The following PLXNA4 variants were observed in gnomAD, a reference collection of about 807,000 sequenced individuals.
PLXNA4 encodes plexin-A4.
In PLXNA4, 44 loss-of-function variants were observed where a neutral mutation model predicts 191.8. That is an observed-to-expected ratio of 0.23 (90% CI 0.18 to 0.29). The LOEUF (loss-of-function observed/expected upper bound fraction) is 0.29. Ranked by LOEUF, PLXNA4 falls within the 10% of genes least tolerant of loss-of-function variation. The probability of loss-of-function intolerance (pLI) is 1.00; values close to 1 mark genes in which losing one functional copy is unlikely to be tolerated. For synonymous variants in PLXNA4, 1,082 were observed against 1,009.5 expected (o/e 1.07, Z -1.36); for missense variants, 1,800 against 2,488.8 (o/e 0.72, Z 5.89).
intron 22 of PLXNA4, among the ~76,000 whole-genome samples, chr7:132,165,979 A>G (rs1164627361): frequency 6.6e-6 from 1 of 152,156 alleles, no homozygotes; most frequent in East Asian, 1.9e-4. Context: ...CAGGCAGATC[A>G]TGAGGTCAAC....
intron 31 of PLXNA4, among the ~76,000 whole-genome samples, chr7:132,132,258 T>C (rs1794950015): frequency 6.6e-6 from 1 of 152,166 alleles, no homozygotes. Context: ...CCTGACCCCA[T>C]GCATAGGCAA....
intron 4 of PLXNA4, among the ~76,000 whole-genome samples, chr7:132,251,158 G>A (rs1425440519): frequency 6.7e-6 from 1 of 148,698 alleles, no homozygotes; most frequent in East Asian, 2.0e-4. Flanking sequence ...TTAAAAACTT[G>A]TCAAGCAAGT....
intron 1 of PLXNA4, among the ~76,000 whole-genome samples, chr7:132,511,895 C>T (rs1275555928): frequency 1.3e-5 from 2 of 152,108 alleles, no homozygotes; most frequent in Non-Finnish European, 2.9e-5. Flanking sequence ...AAGTTGAAAT[C>T]CAAGAGGTCA....
At chr7:132,147,753 C>T (rs777552256) in intron 27 of PLXNA4, 147 bp downstream of exon 27, 135 of 1,035,120 alleles carry the variant, frequency 1.3e-4, no homozygotes, top group Non-Finnish European at 1.8e-4. Context: ...GTCCTCTTCC[C>T]CCACCTGGCT....
At chr7:132,365,363 G>A (rs542871820) in intron 3 of PLXNA4, among the ~76,000 whole-genome samples, 7 of 140,704 alleles carry the variant, frequency 5.0e-5, no homozygotes, top group East Asian at 2.1e-4. Context: ...GTGTGTGTGC[G>A]TGCGCGCGCA....
intron 3 of PLXNA4, among the ~76,000 whole-genome samples, chr7:132,403,179 G>A (rs537343177): frequency 3.3e-5 from 5 of 152,152 alleles, no homozygotes; most frequent in Non-Finnish European, 5.9e-5. Context: ...CCCAGGTCCC[G>A]GCCCCAGACT....
intron 29 of PLXNA4, 34 bp from the exon 30 acceptor site, chr7:132,140,845 G>C: frequency 1.2e-6 from 2 of 1,611,828 alleles, no homozygotes; most frequent in Non-Finnish European, 1.7e-6. Context: ...GGTCAGGAAA[G>C]ACGGGGCAGT....
chr7:132,349,399 C>T (rs1026391049), intron 3 of PLXNA4, among the ~76,000 whole-genome samples: 2 of 152,132 alleles, frequency 1.3e-5, no homozygotes, highest in Non-Finnish European at 2.9e-5. Flanking sequence ...GGAGTGGCTG[C>T]AACCCTGCCT....
intron 21 of PLXNA4, among the ~76,000 whole-genome samples, chr7:132,171,778 C>T (rs1338619846): frequency 4.6e-5 from 7 of 152,108 alleles, no homozygotes; most frequent in African/African-American, 1.4e-4. Flanking sequence ...CACAGTGACT[C>T]GTAGGTGGAG....
At chr7:132,334,252 C>CTTTTTTTTTTTTTTTTTTTTTTTTTTT (rs71529758) in intron 3 of PLXNA4, among the ~76,000 whole-genome samples, 3 of 75,608 alleles carry the variant, frequency 4.0e-5, no homozygotes, top group Admixed American at 1.8e-4. Flanking sequence ...TTCTTTCTTT[C>CTTTTTTTTTTTTTTTTTTTTTTTTTTT]TTTTTTTTTT....
At chr7:132,219,667 C>T (rs960809877) in intron 9 of PLXNA4, among the ~76,000 whole-genome samples, 9 of 151,968 alleles carry the variant, frequency 5.9e-5, no homozygotes, top group Non-Finnish European at 1.3e-4. Flanking sequence ...TTTTTTTTTA[C>T]CCCCTACTCC....
intron 3 of PLXNA4, among the ~76,000 whole-genome samples, chr7:132,356,011 G>A (rs1332824809): frequency 1.3e-5 from 2 of 152,156 alleles, no homozygotes; most frequent in Non-Finnish European, 2.9e-5. Flanking sequence ...TAGGATAGGA[G>A]AGCAAGAGGG....
At chr7:132,535,323 C>T (rs1055993137) in intron 1 of PLXNA4, among the ~76,000 whole-genome samples, 1 of 152,192 alleles carries the variant, frequency 6.6e-6, no homozygotes, top group African/African-American at 2.4e-5. Context: ...AACGTCATTC[C>T]CCAACTTTGT....
intron 25 of PLXNA4, among the ~76,000 whole-genome samples, chr7:132,149,499 C>T (rs1795531510): frequency 1.3e-5 from 2 of 152,176 alleles, no homozygotes; most frequent in South Asian, 4.1e-4. Context: ...GCATGTCAGA[C>T]ACACATAAAC....
chr7:132,496,047 C>T (rs1797999628), intron 2 of PLXNA4, among the ~76,000 whole-genome samples: 1 of 152,214 alleles, frequency 6.6e-6, no homozygotes, highest in East Asian at 1.9e-4. Flanking sequence ...CAGACCTGGG[C>T]CATGACTAGA....
chr7:132,366,871 C>G (rs1233817357), intron 3 of PLXNA4, among the ~76,000 whole-genome samples: 1 of 152,152 alleles, frequency 6.6e-6, no homozygotes, highest in Non-Finnish European at 1.5e-5. Context: ...AAGTGATCCT[C>G]CCACCTCAGC....
intron 20 of PLXNA4, among the ~76,000 whole-genome samples, chr7:132,178,400 G>A (rs910239974): frequency 2.0e-5 from 3 of 152,158 alleles, no homozygotes; most frequent in Non-Finnish European, 4.4e-5. Context: ...GGGAGCAGAA[G>A]GAGGGAGTTG....
intron 5 of PLXNA4, among the ~76,000 whole-genome samples, chr7:132,235,784 G>C (rs1204337159): frequency 6.6e-6 from 1 of 152,216 alleles, no homozygotes. Context: ...TGGAGAGGGG[G>C]CTGGGGACCT....
At chr7:132,317,809 C>A (rs1802005504) in intron 3 of PLXNA4, among the ~76,000 whole-genome samples, 1 of 152,158 alleles carries the variant, frequency 6.6e-6, no homozygotes, top group South Asian at 2.1e-4. Flanking sequence ...TTGTAGGGAG[C>A]CTCTCAGCCT....
Sources: allele counts gnomAD v4.1 joint callset (sites outside exome capture counted in the v4.1 genomes callset), GRCh38; gene constraint gnomAD v4.1.1; transcripts MANE v1.5; gene names NCBI Gene and HGNC (gene_info 2026-07-23, HGNC 2026-07-21).